The following TNFRSF1A variants were observed in gnomAD, a reference collection of about 807,000 sequenced individuals.
The protein encoded by TNFRSF1A is TNF receptor superfamily member 1A.
A neutral mutation model predicts 41.6 loss-of-function variants in TNFRSF1A; 9 were observed. The ratio of observed to expected loss-of-function variants is 0.22; its 90% confidence interval spans 0.13 to 0.38. TNFRSF1A has a LOEUF of 0.38. Ranked by LOEUF, TNFRSF1A falls within the 10% of genes least tolerant of loss-of-function variation. TNFRSF1A has a pLI of 1.00. For synonymous variants in TNFRSF1A, 254 were observed against 248.6 expected, an observed-to-expected ratio of 1.02 and a Z score of -0.21; for missense variants, 463 against 591.5, an observed-to-expected ratio of 0.78 and a Z score of 2.25.
chr12:6,332,433 C>CAAAAAAAAA (rs34324660), intron 5 of TNFRSF1A, among the ~76,000 whole-genome samples: 4 of 39,738 alleles, frequency 1.0e-4, no homozygotes, highest in African/African-American at 3.4e-4. Flanking sequence ...AACCCTGTCT[C>CAAAAAAAAA]AAAAAAAAAA....
At chr12:6,339,656 C>T (rs1045335274) in intron 1 of TNFRSF1A, among the ~76,000 whole-genome samples, 2 of 152,240 alleles carry the variant, frequency 1.3e-5, no homozygotes, top group African/African-American at 4.8e-5. Flanking sequence ...GACACCACAT[C>T]ACAATGCATT....
intron 6 of TNFRSF1A, 45 bp from the exon 7 acceptor site, chr12:6,330,756 G>A (rs372857011): frequency 1.9e-6 from 3 of 1,579,774 alleles, no homozygotes; most frequent in East Asian, 2.2e-5. Context: ...GCAGAGGGGG[G>A]CCGCAGGGAT....
chr12:6,330,724 C>A lies in TNFRSF1A; in HGVS notation c.626-13G>T, dbSNP rs754006328. 6.2e-7 allele frequency: 1 copy of A among 1,609,202 alleles called. No individual in the cohort carries two copies. The highest frequency in any genetic ancestry group is 1.1e-5 in the South Asian group (1 of 90,962). ...AGCACTGTGGTGCCTGCAGACAAAG[C>A]AGGTGTTGGTCAGAGGAGCGGGCAG... On this transcript the variant is annotated splice_polypyrimidine_tract_variant and intron_variant, in intron 6 of 9. Coordinates refer to ENST00000162749, the MANE Select transcript of TNFRSF1A (RefSeq NM_001065.4).
In TNFRSF1A at chr12:6,330,038, G is replaced by A; in HGVS notation, c.797C>T (p.Pro266Leu). 6.2e-7 allele frequency: 1 copy of A among 1,612,960 alleles called. No individual in the cohort carries two copies. ...EGELEGTTTK[P>L]LAPNPSFSPT... ...ACTGAAGCTTGGGTTTGGGGCCAGG[G>A]GCTTAGTAGTAGTTCCTTCAAGCTC... The change falls in exon 9 of 10, where the codon CCC (proline) becomes CTC (leucine). Residue 266 changes from proline (P) to leucine (L), a missense_variant. Physicochemically the swap from Pro to Leu is moderately conservative, Grantham distance 98. This residue lies in a region of TNFRSF1A where 277 missense variants were observed against 288.8 expected (regional missense o/e 0.96). Transcript: ENST00000162749.
At chr12:6,329,732 C>G (rs768859610) in intron 9 of TNFRSF1A, 46 bp downstream of exon 9, 3 of 1,567,826 alleles carry the variant, frequency 1.9e-6, no homozygotes, top group South Asian at 1.2e-5. Flanking sequence ...CGCGCTCCCC[C>G]GGCCCTCCCC....
At chr12:6,330,744 G>C (rs199682534) in intron 6 of TNFRSF1A, 33 bp from the exon 7 acceptor site, 1 of 1,584,356 alleles carries the variant, frequency 6.3e-7, no homozygotes, top group African/African-American at 1.3e-5. Context: ...TCAGAGGAGC[G>C]GGCAGAGGGG....
chr12:6,341,859 A>G lies in TNFRSF1A; in HGVS notation c.-45T>C, dbSNP rs543505542. On this transcript the variant is annotated 5_prime_UTR_variant, in exon 1 of 10. Coordinates refer to ENST00000162749, the MANE Select transcript of TNFRSF1A (RefSeq NM_001065.4). This position sits in a 1 kb window ranked among gnomAD's most constrained non-coding sequence, Gnocchi z 4.6. Reference sequence around the variant, plus strand: ...TCACTCCCCCATTTGGGCTCAGGGCAGTGTGGCAGCGGCAGTGCTGGGGCT... The same window carrying G: ...TCACTCCCCCATTTGGGCTCAGGGCGGTGTGGCAGCGGCAGTGCTGGGGCT... 2 of 1,612,576 alleles carry G rather than the reference A, an allele frequency of 1.2e-6. No homozygotes were observed. Among genetic ancestry groups the G allele is most frequent in the African/African-American group, 2.7e-5 (2 of 75,040 alleles).
chr12:6,339,798 C>T lies in TNFRSF1A; in HGVS notation c.39+1978G>A, dbSNP rs192220363. 1.5e-3 allele frequency among the ~76,000 whole-genome samples: 219 copies of T among 150,918 alleles called. 1 individual carries two copies. The highest frequency in any genetic ancestry group is 1.1e-3 in the Non-Finnish European group (77 of 67,818). ...CACAGTCTCTCCTGTATCATTCTTC[C>T]CTACTCCCCTACCCCACTTCTCTCT... On this transcript the variant is annotated intron_variant, in intron 1 of 9. Coordinates refer to ENST00000162749, the MANE Select transcript of TNFRSF1A (RefSeq NM_001065.4).
Position 6,333,279 on chromosome 12 carries a change from G to T in TNFRSF1A, c.472+88C>A, listed in dbSNP as rs34567207. 8.9e-4 allele frequency: 1,389 copies of T among 1,561,850 alleles called. 2 individuals carry two copies. Among genetic ancestry groups the T allele is most frequent in the Non-Finnish European group, 1.1e-3 (1,313 of 1,144,882 alleles). ...GTTGTCAGACCCACAGAATACAGGAGGGGGAAGGAAAGGAAGTGCCACCGC... is the reference window on the plus strand; with the variant it reads ...GTTGTCAGACCCACAGAATACAGGATGGGGAAGGAAAGGAAGTGCCACCGC... On this transcript the variant is annotated intron_variant, in intron 4 of 9. Coordinates refer to ENST00000162749, the MANE Select transcript of TNFRSF1A (RefSeq NM_001065.4). This position sits in a 1 kb window ranked among gnomAD's most constrained non-coding sequence, Gnocchi z 6.3.
intron 5 of TNFRSF1A, chr12:6,331,514 C>T: frequency 4.9e-6 from 1 of 205,326 alleles, no homozygotes; most frequent in Non-Finnish European, 1.0e-5. Flanking sequence ...CCAGAGAGCA[C>T]CCTGTAGAAC....
chr12:6,341,637 G>A lies in TNFRSF1A; in HGVS notation c.39+139C>T. The A allele has an allele frequency of 3.2e-6, 3 of 945,264 alleles. No homozygotes were observed. In the South Asian group the frequency reaches 4.1e-5, roughly 13 times the overall value. The allele number at this position is 945,264 out of a possible 1,614,324, so 58.6% of individuals were successfully genotyped here. On this transcript the variant is annotated intron_variant, in intron 1 of 9. Transcript: ENST00000162749. This position sits in a 1 kb window ranked among gnomAD's most constrained non-coding sequence, Gnocchi z 4.6. ...GGAACCCCACACTGGCAGTGGCTGAGGTTAGGACCTGCAGGCCTGAGGCTG... is the reference window on the plus strand; with the variant it reads ...GGAACCCCACACTGGCAGTGGCTGAAGTTAGGACCTGCAGGCCTGAGGCTG...
intron 1 of TNFRSF1A, among the ~76,000 whole-genome samples, chr12:6,336,358 G>A (rs976108278): frequency 2.0e-5 from 3 of 152,144 alleles, no homozygotes; most frequent in Non-Finnish European, 4.4e-5. Flanking sequence ...ACTCAGGCCA[G>A]AGGGAGGGAG....
Position 6,329,294 on chromosome 12 carries a change from GC to G in TNFRSF1A, c.*17del, listed in dbSNP as rs1050668750. ...ATCTCGCAGGACGGTCCTTAGAGCT[GC>G]CCGCAGGGGCGCAGCCTCATCTGAG... On this transcript the variant is annotated 3_prime_UTR_variant, in exon 10 of 10. Coordinates refer to ENST00000162749, the MANE Select transcript of TNFRSF1A (RefSeq NM_001065.4). The G allele has an allele frequency of 2.1e-6, 3 of 1,457,250 alleles. No homozygotes were observed. In the African/African-American group the frequency reaches 4.4e-5, roughly 22 times the overall value. 90.3% of individuals were successfully genotyped at this position (1,457,250 alleles called of 1,614,324 possible).
intron 5 of TNFRSF1A, 28 bp from the exon 6 acceptor site, chr12:6,330,954 A>G: frequency 6.3e-7 from 1 of 1,599,442 alleles, no homozygotes; most frequent in Non-Finnish European, 8.6e-7. Flanking sequence ...ACTGGTGAAC[A>G]GAGGCCCTAC....
rs1948041394 is a variant in TNFRSF1A at position 6,330,857 on chromosome 12, G to C, written c.621C>G (p.Asp207Glu). Residue 207 changes from aspartate (D) to glutamate (E), a missense_variant, in exon 6 of 10, where the codon GAC (aspartate) becomes GAG (glutamate). Asp to Glu is a conservative substitution (Grantham distance 45, BLOSUM62 2). Around this residue, in one of 4 missense-constraint regions of TNFRSF1A, gnomAD observed 149 missense variants for 239.4 expected, o/e 0.62. Coordinates refer to ENST00000162749, the MANE Select transcript of TNFRSF1A (RefSeq NM_001065.4). Reference sequence around the variant, plus strand: ...CACCAGGTCACTTCTCCTCACCTGAGTCCTCAGTGCCCTTAACATTCTCAA... The same window carrying C: ...CACCAGGTCACTTCTCCTCACCTGACTCCTCAGTGCCCTTAACATTCTCAA... ...PQIENVKGTE[D>E]SGTTVLLPLV... is the part of the protein sequence containing the mutation. 2 of 1,613,632 alleles carry C rather than the reference G, an allele frequency of 1.2e-6. No homozygotes were observed. The highest frequency in any genetic ancestry group is 1.7e-5 in the Admixed American group (1 of 60,000).
chr12:6,335,085 G>A (rs927324084), intron 1 of TNFRSF1A, among the ~76,000 whole-genome samples: 4 of 152,148 alleles, frequency 2.6e-5, no homozygotes, highest in Non-Finnish European at 5.9e-5. Context: ...CGGTGGGGGC[G>A]AGTGATGTTC....
At position 6,330,098 on chromosome 12, in the gene TNFRSF1A, C is replaced by T. The variant is rs762400483; in HGVS notation, c.769-32G>A. The T allele has an allele frequency of 1.1e-5, 18 of 1,611,870 alleles. No homozygotes were observed. The South Asian group carries it at 1.6e-4, about 15-fold the overall frequency. On this transcript the variant is annotated intron_variant, in intron 8 of 9. Coordinates refer to ENST00000162749, the MANE Select transcript of TNFRSF1A (RefSeq NM_001065.4). ...GAGAGAAGGTGGCGCAGCATTAGTG[C>T]GGCAGCGAAAACCAGCCCCGGCCCT...
chr12:6,333,986 C>A lies in TNFRSF1A; in HGVS notation c.193+105G>T. 2 of 1,611,552 alleles carry A rather than the reference C, an allele frequency of 1.2e-6. No individual in the cohort carries two copies. Among genetic ancestry groups the A allele is most frequent in the Non-Finnish European group, 1.7e-6 (2 of 1,178,084 alleles). On this transcript the variant is annotated intron_variant, in intron 2 of 9. Coordinates refer to ENST00000162749, the MANE Select transcript of TNFRSF1A (RefSeq NM_001065.4). This position sits in a 1 kb window ranked among gnomAD's most constrained non-coding sequence, Gnocchi z 6.3. ...TAGGAGAGGAGGGAGGGAGAAAATC[C>A]CAGCCCAGGAGAGACAGCAAAGTTA... is the stretch of plus-strand genomic sequence containing the variant.
intron 5 of TNFRSF1A, among the ~76,000 whole-genome samples, chr12:6,332,171 T>C (rs1948058718): frequency 6.6e-6 from 1 of 151,972 alleles, no homozygotes; most frequent in African/African-American, 2.4e-5. Context: ...CCAGGCGTGG[T>C]GGCTCATGCC....
Sources: gnomAD v4.1 joint callset for allele counts (sites outside exome capture counted in the v4.1 genomes callset) on GRCh38, gnomAD v4.1.1 for gene constraint, gnomAD v4.1.1 regional missense constraint, Gnocchi (gnomAD v3.1) non-coding constraint, MANE v1.5 for transcripts, NCBI Gene and HGNC (gene_info 2026-07-23, HGNC 2026-07-21) for gene names.